Variants in NR6A1 observed in about 807,000 individuals in gnomAD.
NR6A1 encodes retinoic acid receptor-related testis-associated receptor.
Under a neutral mutation model 59.1 loss-of-function variants are expected in NR6A1, and 7 were observed. The observed-to-expected ratio is 0.12, with a 90% confidence interval of 0.07 to 0.22. NR6A1 has a LOEUF of 0.22. NR6A1 is among the 10% of genes least tolerant of loss of function. The probability of loss-of-function intolerance (pLI) is 1.00; values close to 1 mark genes in which losing one functional copy is unlikely to be tolerated. For synonymous variants in NR6A1, 243 were observed against 236.1 expected (o/e 1.03, Z -0.27); for missense variants, 468 against 611.6 (o/e 0.77, Z 2.48).
chr9:124,694,695 C>A (rs1037086593), intron 2 of NR6A1, among the ~76,000 whole-genome samples: 2 of 152,140 alleles, frequency 1.3e-5, no homozygotes, highest in Non-Finnish European at 2.9e-5. Flanking sequence ...ATTTATCATA[C>A]ACTTAAGTCT....
chr9:124,534,247 A>G (rs1377191006), intron 7 of NR6A1, among the ~76,000 whole-genome samples: 1 of 151,678 alleles, frequency 6.6e-6, no homozygotes, highest in Non-Finnish European at 1.5e-5. Context: ...TAATTTTTGT[A>G]TTTTTAGTAG....
At chr9:124,602,074 A>G (rs1835467110) in intron 2 of NR6A1, among the ~76,000 whole-genome samples, 2 of 152,244 alleles carry the variant, frequency 1.3e-5, no homozygotes, top group South Asian at 4.1e-4. Context: ...TGTGTAAGAC[A>G]TTTAATTAGG....
intron 1 of NR6A1, among the ~76,000 whole-genome samples, chr9:124,738,363 A>C (rs1431907767): frequency 6.7e-6 from 1 of 150,044 alleles, no homozygotes; most frequent in African/African-American, 2.5e-5. Context: ...CAGATCAGGA[A>C]ATTTTCTGAG....
At chr9:124,767,441 C>T (rs1840966703) in intron 1 of NR6A1, among the ~76,000 whole-genome samples, 1 of 151,582 alleles carries the variant, frequency 6.6e-6, no homozygotes, top group Non-Finnish European at 1.5e-5. Context: ...TGCAAAATCA[C>T]CAGTGAATTT....
intron 1 of NR6A1, among the ~76,000 whole-genome samples, chr9:124,740,306 CTA>C (rs1369783671): frequency 1.3e-5 from 2 of 152,174 alleles, no homozygotes; most frequent in Non-Finnish European, 2.9e-5. Flanking sequence ...ATGGCTGAAA[CTA>C]TAGTTTTTCA....
chr9:124,644,474 A>G (rs1276867191), intron 2 of NR6A1, among the ~76,000 whole-genome samples: 4 of 149,816 alleles, frequency 2.7e-5, no homozygotes, highest in African/African-American at 4.9e-5. Flanking sequence ...CTGGTCTCGA[A>G]CTCCTGACCT....
intron 2 of NR6A1, among the ~76,000 whole-genome samples, chr9:124,695,362 G>T (rs908069476): frequency 4.6e-5 from 7 of 152,064 alleles, no homozygotes; most frequent in African/African-American, 1.7e-4. Context: ...AGGTTTTTTT[G>T]TGTGTGTTTT....
chr9:124,726,141 T>C (rs1257677826), intron 2 of NR6A1, among the ~76,000 whole-genome samples: 8 of 152,210 alleles, frequency 5.3e-5, no homozygotes, highest in Non-Finnish European at 1.5e-5. Context: ...ATTACATTCA[T>C]AAACACTCAA....
intron 7 of NR6A1, among the ~76,000 whole-genome samples, chr9:124,528,159 T>G (rs1832993273): frequency 1.3e-5 from 2 of 152,320 alleles, no homozygotes; most frequent in South Asian, 4.1e-4. Context: ...CTGCTTTCTG[T>G]GTTAACTTTG....
At chr9:124,641,222 G>C (rs931837491) in intron 2 of NR6A1, among the ~76,000 whole-genome samples, 3 of 152,002 alleles carry the variant, frequency 2.0e-5, no homozygotes, top group African/African-American at 7.3e-5. Flanking sequence ...AGCTGAGCAT[G>C]GTGGTGCATG....
intron 2 of NR6A1, among the ~76,000 whole-genome samples, chr9:124,649,736 CGGA>C (rs1404793842): frequency 6.6e-6 from 1 of 151,868 alleles, no homozygotes. Flanking sequence ...TAAATATACA[CGGA>C]ACTCAATAGC....
chr9:124,526,792 G>A lies in NR6A1; in HGVS notation c.1188C>T (p.Asn396=), dbSNP rs1160353024. ...NEEYACMKAI[N]FLNQDIRGLT... is the part of the protein sequence containing the mutation. ...CCAGCCACTCACCTTGATTTAGGAAGTTAATTGCTTTCATGCAAGCATACT... is the reference window on the plus strand; with the variant it reads ...CCAGCCACTCACCTTGATTTAGGAAATTAATTGCTTTCATGCAAGCATACT... Residue 396 remains asparagine, a synonymous_variant, in exon 8 of 10, where the codon AAC becomes AAT. Coordinates refer to ENST00000487099, the MANE Select transcript of NR6A1 (RefSeq NM_033334.4). 1.2e-6 allele frequency: 2 copies of A among 1,613,588 alleles called. No homozygotes were observed. Among genetic ancestry groups the A allele is most frequent in the Non-Finnish European group, 1.7e-6 (2 of 1,179,728 alleles).
At chr9:124,695,069 ACATCGGCTTCCTGCCCC>A (rs1310869163) in intron 2 of NR6A1, among the ~76,000 whole-genome samples, 4 of 152,228 alleles carry the variant, frequency 2.6e-5, no homozygotes, top group Non-Finnish European at 5.9e-5. Context: ...CACTAGCTTA[ACATCGGCTTCCTGCCCC>A]CATCCCACCA....
At chr9:124,735,673 G>C (rs1840001543) in intron 1 of NR6A1, among the ~76,000 whole-genome samples, 1 of 152,184 alleles carries the variant, frequency 6.6e-6, no homozygotes, top group African/African-American at 2.4e-5. Context: ...TAAAGGCAAT[G>C]GGAATCAGAA....
At chr9:124,769,081 GA>G (rs1473187228) in intron 1 of NR6A1, among the ~76,000 whole-genome samples, 1 of 152,078 alleles carries the variant, frequency 6.6e-6, no homozygotes, top group African/African-American at 2.4e-5. Context: ...AGGCATTAAA[GA>G]AATCCTTTGT....
At chr9:124,581,118 G>C (rs1834751895) in intron 2 of NR6A1, among the ~76,000 whole-genome samples, 1 of 152,076 alleles carries the variant, frequency 6.6e-6, no homozygotes, top group African/African-American at 2.4e-5. Flanking sequence ...ACTCAAGATG[G>C]ATTAAAGACT....
At chr9:124,679,277 C>T (rs1261657081) in intron 2 of NR6A1, among the ~76,000 whole-genome samples, 1 of 152,186 alleles carries the variant, frequency 6.6e-6, no homozygotes, top group Non-Finnish European at 1.5e-5. Flanking sequence ...TAATCACCTG[C>T]CAATTACTGG....
intron 2 of NR6A1, among the ~76,000 whole-genome samples, chr9:124,634,637 C>T (rs183482696): frequency 3.8e-4 from 58 of 152,230 alleles, no homozygotes; most frequent in African/African-American, 1.1e-3. Context: ...CTGGCTAACA[C>T]GGTGAAACCC....
At chr9:124,681,989 T>A (rs990915211) in intron 2 of NR6A1, among the ~76,000 whole-genome samples, 1 of 151,976 alleles carries the variant, frequency 6.6e-6, no homozygotes, top group African/African-American at 2.4e-5. Context: ...TGTTTTGTTT[T>A]GTTTTGTTTT....
Sources: gnomAD v4.1 joint callset for allele counts (sites outside exome capture counted in the v4.1 genomes callset) on GRCh38, gnomAD v4.1.1 for gene constraint, MANE v1.5 for transcripts, NCBI Gene and HGNC (gene_info 2026-07-23, HGNC 2026-07-21) for gene names.